ECHS1: variants seen among roughly 807,000 people sequenced by gnomAD.
ECHS1 encodes the protein enoyl-CoA hydratase, short chain 1.
Under a neutral mutation model 33.5 loss-of-function variants are expected in ECHS1, and 19 were observed. The ratio of observed to expected loss-of-function variants is 0.57; its 90% CI spans 0.40 to 0.83. The LOEUF (loss-of-function observed/expected upper bound fraction) is 0.83. ECHS1 is among the 40% of genes least tolerant of loss of function. ECHS1 has a pLI of 0.00. For synonymous variants in ECHS1, 158 were observed against 146.6 expected (o/e 1.08, Z -0.56); for missense variants, 365 against 381.3 (o/e 0.96, Z 0.36).
rs551624552 is a variant in ECHS1, at chr10:133,370,579, G to A, written c.267C>T (p.Gly89=). 1.2e-4 allele frequency: 192 copies of A among 1,598,346 alleles called. 3 individuals are homozygous for A. In the South Asian group the frequency reaches 1.9e-3, roughly 16 times the overall value. ...GCGTACCTGCAAAGGCCTTATCCCC[G>A]CCGGTGAGGACAATGGCCCCCACGG... is the stretch of plus-strand genomic sequence containing the variant. ...DPAVGAIVLT[G]GDKAFAAGAD... The change falls in exon 2 of 8, where the codon GGC becomes GGT. Residue 89 remains glycine, a synonymous_variant. Coordinates refer to ENST00000368547, the MANE Select transcript of ECHS1 (RefSeq NM_004092.4).
intron 7 of ECHS1, among the ~76,000 whole-genome samples, chr10:133,363,966 G>A (rs1318042216): frequency 4.6e-5 from 7 of 150,632 alleles, no homozygotes; most frequent in Non-Finnish European, 5.9e-5. Flanking sequence ...TTTTTTTTCA[G>A]ACAGAGTCTC....
rs1314601658 is a variant in ECHS1 at position 133,368,923 on chromosome 10, C to G, written c.514G>C (p.Gly172Arg). 6.2e-7 allele frequency: 1 copy of G among 1,613,240 alleles called. No individual in the cohort carries two copies. Among genetic ancestry groups the G allele is most frequent in the Non-Finnish European group, 8.5e-7 (1 of 1,179,678 alleles). Residue 172 changes from glycine (G) to arginine (R), a missense_variant and splice_region_variant, in exon 4 of 8, where the codon GGT becomes CGT. By Grantham distance (125) the Gly-to-Arg change is moderately radical. Coordinates refer to ENST00000368547, the MANE Select transcript of ECHS1 (RefSeq NM_004092.4). ...TGCCAGAGACAGTGTCACTCTTTAC[C>G]TGGGATGGTTCCTATTAAGATCTCC... ...QPEILIGTIP[G>R]AGGTQRLTRA...
intron 5 of ECHS1, among the ~76,000 whole-genome samples, chr10:133,366,402 G>A (rs1849030892): frequency 6.6e-6 from 1 of 152,268 alleles, no homozygotes; most frequent in African/African-American, 2.4e-5. Context: ...GAGGCCTGGA[G>A]ATGCCCATTG....
intron 5 of ECHS1, among the ~76,000 whole-genome samples, chr10:133,366,617 AG>A (rs143074953): frequency 2.7e-5 from 4 of 147,656 alleles, no homozygotes; most frequent in Non-Finnish European, 5.9e-5. Flanking sequence ...GGCTCCCACG[AG>A]GGGGACACCT....
In ECHS1 at chr10:133,362,568, G is replaced by T; in HGVS notation, c.*300C>A. 2.1e-6 allele frequency: 1 copy of T among 472,160 alleles called. No individual in the cohort carries two copies. The highest frequency in any genetic ancestry group is 3.8e-6 in the Non-Finnish European group (1 of 260,042). 29.2% of individuals were successfully genotyped at this position (472,160 alleles called of 1,614,324 possible). On this transcript the variant is annotated 3_prime_UTR_variant, in exon 8 of 8. Coordinates refer to ENST00000368547, the MANE Select transcript of ECHS1 (RefSeq NM_004092.4). ...CCTCAGAGCAGCCCCATTCTTCAGCGGCAGGGACACAAGGACCCGCAGGCC... is the reference window on the plus strand; with the variant it reads ...CCTCAGAGCAGCCCCATTCTTCAGCTGCAGGGACACAAGGACCCGCAGGCC...
At chr10:133,364,967 G>A (rs1373611893) in intron 6 of ECHS1, among the ~76,000 whole-genome samples, 1 of 152,236 alleles carries the variant, frequency 6.6e-6, no homozygotes, top group Non-Finnish European at 1.5e-5. Flanking sequence ...GCCCCAAGAA[G>A]GGAGAGGAAC....
intron 1 of ECHS1, among the ~76,000 whole-genome samples, chr10:133,371,126 A>G (rs977007610): frequency 1.3e-5 from 2 of 152,026 alleles, no homozygotes; most frequent in Admixed American, 1.3e-4. Context: ...AAATACAAAA[A>G]ATTAGTCGGG....
intron 1 of ECHS1, among the ~76,000 whole-genome samples, chr10:133,372,109 A>G (rs1052149668): frequency 2.0e-5 from 3 of 152,116 alleles, no homozygotes; most frequent in African/African-American, 7.2e-5. Context: ...GTGGGTTTCT[A>G]GGGGTAACTG....
chr10:133,369,082 G>A (rs1302236655), intron 3 of ECHS1, 60 bp from the exon 4 acceptor site: 2 of 1,512,556 alleles, frequency 1.3e-6, no homozygotes, highest in Non-Finnish European at 1.8e-6. Flanking sequence ...AAATCACTCT[G>A]CTTGCTTATT....
Position 133,362,908 on chromosome 10 carries a change from G to A in ECHS1, c.833C>T (p.Ala278Val), listed in dbSNP as rs923554493. Residue 278 changes from alanine (A) to valine (V), a missense_variant, in exon 8 of 8, where the codon GCG (alanine) becomes GTG (valine). Physicochemically the swap from Ala to Val is moderately conservative, Grantham distance 64. Transcript: ENST00000368547. ...ATDDRKEGMTAFVEKRKANFK... is the reference protein window; with the variant it reads ...ATDDRKEGMTVFVEKRKANFK... ...GTTGGCCTTTCTCTTTTCCACAAAC[G>A]CGGTCATCCCTTCTTTCCGGTCATC... The A allele has an allele frequency of 1.1e-5, 18 of 1,613,964 alleles. No homozygotes were observed. The highest frequency in any genetic ancestry group is 1.4e-5 in the Non-Finnish European group (17 of 1,180,034).
chr10:133,371,148 G>A (rs1339217779), intron 1 of ECHS1, among the ~76,000 whole-genome samples: 2 of 151,944 alleles, frequency 1.3e-5, no homozygotes, highest in East Asian at 3.9e-4. Context: ...GTTGTGGCGG[G>A]CGCCTGTAGT....
chr10:133,372,407 GA>G (rs1316868458), intron 1 of ECHS1, among the ~76,000 whole-genome samples: 2 of 152,238 alleles, frequency 1.3e-5, no homozygotes, highest in African/African-American at 4.8e-5. Context: ...TGTGGCTGGG[GA>G]GGAGGTGTCA....
Position 133,366,878 on chromosome 10 carries a change from C to T in ECHS1, c.619+11G>A. On this transcript the variant is annotated intron_variant, in intron 5 of 7. Coordinates refer to ENST00000368547, the MANE Select transcript of ECHS1 (RefSeq NM_004092.4). ...TTCCAGGTGGCTCTTGCGGGCAGCC[C>T]CAACCCATACCTGCTTGCTTGGCGT... 2 of 1,606,956 alleles carry T rather than the reference C, an allele frequency of 1.2e-6. No homozygotes were observed. The highest frequency in any genetic ancestry group is 1.7e-6 in the Non-Finnish European group (2 of 1,177,282).
At chr10:133,373,219 G>A (rs1451887751) in intron 1 of ECHS1, 27 bp downstream of exon 1, 3 of 1,405,324 alleles carry the variant, frequency 2.1e-6, no homozygotes, top group South Asian at 3.1e-5. Flanking sequence ...AGGAGATTCG[G>A]GCCGCCAGCT....
chr10:133,368,778 T>C, intron 4 of ECHS1, 145 bp downstream of exon 4: 3 of 693,642 alleles, frequency 4.3e-6, no homozygotes, highest in Non-Finnish European at 4.8e-6. Flanking sequence ...CTAGCCTCCG[T>C]GGCTGTCCAC....
chr10:133,363,403 C>G (rs1848991646), intron 7 of ECHS1, among the ~76,000 whole-genome samples: 1 of 145,756 alleles, frequency 6.9e-6, no homozygotes, highest in Admixed American at 7.0e-5. Context: ...ACCCCTTCCT[C>G]AGGTGCCCAA....
At position 133,362,828 on chromosome 10, in the gene ECHS1, T is replaced by C. The variant is rs372081807; in HGVS notation, c.*40A>G. 3 of 1,596,640 alleles carry C rather than the reference T, an allele frequency of 1.9e-6. No homozygotes were observed. The highest frequency in any genetic ancestry group is 2.7e-5 in the African/African-American group (2 of 74,592). On this transcript the variant is annotated 3_prime_UTR_variant, in exon 8 of 8. Transcript: ENST00000368547. ...TTCTAAAACTGACAGGCTGCACTTG[T>C]CCTCTCCAAGCAGAGGTGTGAAGCA...
intron 1 of ECHS1, among the ~76,000 whole-genome samples, chr10:133,372,458 G>A (rs1849121522): frequency 6.6e-6 from 1 of 152,214 alleles, no homozygotes; most frequent in South Asian, 2.1e-4. Flanking sequence ...GCCCTGGTCA[G>A]GAGGCACCCA....
At chr10:133,365,711 C>T (rs1266540048) in intron 6 of ECHS1, among the ~76,000 whole-genome samples, 1 of 152,234 alleles carries the variant, frequency 6.6e-6, no homozygotes, top group African/African-American at 2.4e-5. Flanking sequence ...TTCCCTGCCA[C>T]TGCCAGCTCT....
Sources: allele counts gnomAD v4.1 joint callset (sites outside exome capture counted in the v4.1 genomes callset), GRCh38; gene constraint gnomAD v4.1.1; transcripts MANE v1.5; gene names NCBI Gene and HGNC (gene_info 2026-07-23, HGNC 2026-07-21).